The following TRAK1 variants were observed in gnomAD, a reference collection of about 807,000 sequenced individuals.
TRAK1 encodes the protein trafficking kinesin protein 1.
In TRAK1, 33 loss-of-function variants were observed where a neutral mutation model predicts 92.1. That is an observed-to-expected ratio of 0.36 (90% CI 0.27 to 0.48). The LOEUF is 0.48. Ranked by LOEUF, TRAK1 falls within the 20% of genes least tolerant of loss-of-function variation. The pLI is 0.99. For missense variants in TRAK1, 1,123 were observed against 1,257.9 expected (o/e 0.89, Z 1.62); for synonymous variants, 521 against 517.3 (o/e 1.01, Z -0.10).
intron 11 of TRAK1, among the ~76,000 whole-genome samples, chr3:42,199,799 A>G: frequency 6.6e-6 from 1 of 152,352 alleles, no homozygotes; most frequent in East Asian, 1.9e-4. Flanking sequence ...TTAAAGACAA[A>G]TTGTGAACTT....
intron 13 of TRAK1, chr3:42,203,319 A>G (rs1265050879): frequency 2.8e-5 from 28 of 988,438 alleles, no homozygotes; most frequent in Non-Finnish European, 3.2e-5. Flanking sequence ...CGCGGCTCCT[A>G]GAGTCTACAA....
At position 42,189,022 on chromosome 3, in the gene TRAK1, G is replaced by A. The variant is rs1458431133; in HGVS notation, c.588G>A (p.Lys196=). ...EPESVCSTPL[K]RNESSSSVQN... ...AGCGTACTTTCTCCCCCAGGTTGAA[G>A]AGGAATGAGTCGTCCTCCTCAGTCC... Residue 196 remains lysine (K), a synonymous_variant, in exon 6 of 16, where the codon AAG becomes AAA. Transcript: ENST00000327628. 1 of 1,612,444 alleles carries A rather than the reference G, an allele frequency of 6.2e-7. No homozygotes were observed. The highest frequency in any genetic ancestry group is 1.3e-5 in the African/African-American group (1 of 74,888).
At chr3:42,217,657 T>A (rs536725199) in intron 14 of TRAK1, 1 of 985,456 alleles carries the variant, frequency 1.0e-6, no homozygotes, top group East Asian at 1.1e-4. Flanking sequence ...CTTGTTTGAT[T>A]TCTTTTAAAT....
intron 1 of TRAK1, among the ~76,000 whole-genome samples, chr3:42,016,289 C>G (rs1286636511): frequency 6.6e-6 from 1 of 152,102 alleles, no homozygotes; most frequent in African/African-American, 2.4e-5. Context: ...ACTGCGGCCT[C>G]CACCTCACAG....
At chr3:42,213,180 C>T (rs575707955) in intron 14 of TRAK1, among the ~76,000 whole-genome samples, 70 of 151,982 alleles carry the variant, frequency 4.6e-4, no homozygotes, top group African/African-American at 1.6e-3. Flanking sequence ...GCCTCAGCCT[C>T]CCAAGTAGCT....
At chr3:42,137,793 C>T (rs1279174475) in intron 2 of TRAK1, among the ~76,000 whole-genome samples, 2 of 152,064 alleles carry the variant, frequency 1.3e-5, no homozygotes, top group African/African-American at 4.8e-5. Flanking sequence ...GGTTGGAGAC[C>T]CACCAGTCCT....
chr3:42,125,335 C>G lies in TRAK1; in HGVS notation c.92-85C>G, dbSNP rs138819368. ...TGCTGTAGATAAATAACCGAAGATA[C>G]CTGCCGCAGGCTACAAGTTTAGTTA... On this transcript the variant is annotated intron_variant, in intron 1 of 15. Transcript: ENST00000327628. 45 of 1,264,354 alleles carry G rather than the reference C, an allele frequency of 3.6e-5. No homozygotes were observed. In the African/African-American group the frequency reaches 6.3e-4, roughly 18 times the overall value. The allele number at this position is 1,264,354 out of a possible 1,614,324, so 78.3% of individuals were successfully genotyped here. A position where few individuals can be genotyped will look rare whatever the true frequency, so the allele number is the denominator to read the frequency against.
At chr3:42,091,213 A>C, upstream of TRAK1, 1 of 459,028 alleles carries the variant, frequency 2.2e-6, no homozygotes, top group Non-Finnish European at 3.8e-6. Context: ...ACCTAGAGGT[A>C]TCACATTTTT....
chr3:42,052,952 T>C (rs1703040161), intron 1 of TRAK1, among the ~76,000 whole-genome samples: 1 of 152,186 alleles, frequency 6.6e-6, no homozygotes, highest in African/African-American at 2.4e-5. Flanking sequence ...TTGGTGCTAC[T>C]GGCACATTTT....
chr3:42,174,109 C>T (rs1231503778), intron 2 of TRAK1, among the ~76,000 whole-genome samples: 2 of 152,306 alleles, frequency 1.3e-5, no homozygotes, highest in Admixed American at 6.5e-5. Flanking sequence ...TCACTGCAAC[C>T]TCCACCTCCC....
At chr3:42,210,852 G>GTCCCC in intron 14 of TRAK1, 1 of 979,886 alleles carries the variant, frequency 1.0e-6, no homozygotes, top group East Asian at 1.2e-4. Flanking sequence ...TCCACCCACT[G>GTCCCC]TCCCCAAGCA....
intron 1 of TRAK1, among the ~76,000 whole-genome samples, chr3:42,079,809 T>C (rs939637322): frequency 6.6e-6 from 1 of 152,106 alleles, no homozygotes; most frequent in African/African-American, 2.4e-5. Flanking sequence ...GTTGTTTTTT[T>C]AACCCCTTGC....
chr3:42,099,968 T>A (rs903617298), intron 1 of TRAK1, among the ~76,000 whole-genome samples: 1 of 152,074 alleles, frequency 6.6e-6, no homozygotes, highest in Non-Finnish European at 1.5e-5. Flanking sequence ...CAGGTGAGGA[T>A]GCAGCACCAT....
upstream of TRAK1, among the ~76,000 whole-genome samples, chr3:42,090,504 G>T (rs1339390970): frequency 6.6e-6 from 1 of 152,148 alleles, no homozygotes; most frequent in Non-Finnish European, 1.5e-5. Flanking sequence ...TGGCCAACAT[G>T]GTGAAACCCC....
rs779505103 is a variant in TRAK1, at chr3:42,225,777, C to T, written c.*2040C>T. On this transcript the variant is annotated 3_prime_UTR_variant, in exon 16 of 16. Coordinates refer to ENST00000327628, the MANE Select transcript of TRAK1 (RefSeq NM_001042646.3). ...ATAAGTTCAAATGATGGAAACCACACTGGTATTCTGATTTGTATTTTGTTT... is the reference window on the plus strand; with the variant it reads ...ATAAGTTCAAATGATGGAAACCACATTGGTATTCTGATTTGTATTTTGTTT... The T allele has an allele frequency of 2.0e-5, 3 of 152,182 alleles. No homozygotes were observed. Among genetic ancestry groups the T allele is most frequent in the Non-Finnish European group, 2.9e-5 (2 of 68,024 alleles). The allele number at this position is 152,182 out of a possible 1,614,324, so 9.4% of individuals were successfully genotyped here. A position where few individuals can be genotyped will look rare whatever the true frequency, so the allele number is the denominator to read the frequency against.
chr3:42,087,575 T>C (rs1559748058), upstream of TRAK1, among the ~76,000 whole-genome samples: 1 of 152,262 alleles, frequency 6.6e-6, no homozygotes, highest in Non-Finnish European at 1.5e-5. Flanking sequence ...GAACCTGTTC[T>C]GCCAGTGAAC....
At chr3:42,199,006 C>T (rs1707155136) in intron 10 of TRAK1, among the ~76,000 whole-genome samples, 171 bp from the exon 11 acceptor site, 2 of 152,184 alleles carry the variant, frequency 1.3e-5, no homozygotes, top group African/African-American at 4.8e-5. Flanking sequence ...GGAAACTGCT[C>T]AGCCAGGGTC....
chr3:42,161,117 A>C (rs1701230089), intron 2 of TRAK1, among the ~76,000 whole-genome samples: 1 of 152,348 alleles, frequency 6.6e-6, no homozygotes, highest in East Asian at 1.9e-4. Context: ...CTGGGAGCCC[A>C]CTGCCGGCTC....
At chr3:42,183,232 A>G (rs965510808) in intron 3 of TRAK1, among the ~76,000 whole-genome samples, 1 of 152,220 alleles carries the variant, frequency 6.6e-6, no homozygotes, top group Non-Finnish European at 1.5e-5. Context: ...TTCTTAACCC[A>G]CTAATGAGTT....
Sources: allele counts gnomAD v4.1 joint callset (sites outside exome capture counted in the v4.1 genomes callset), GRCh38; gene constraint gnomAD v4.1.1; transcripts MANE v1.5; gene names NCBI Gene and HGNC (gene_info 2026-07-23, HGNC 2026-07-21).